Variants in TTLL11 observed in about 807,000 individuals in gnomAD.
The protein encoded by TTLL11 is tubulin tyrosine ligase like 11, also known as tubulin polyglutamylase TTLL11.
Under a neutral mutation model 51.7 loss-of-function variants are expected in TTLL11, and 42 were observed. The observed-to-expected ratio is 0.81, with a 90% confidence interval of 0.64 to 1.05. The LOEUF (loss-of-function observed/expected upper bound fraction) is 1.05, where lower values mean the gene tolerates loss of function less well. Ranked by LOEUF, TTLL11 falls within the 50% of genes least tolerant of loss-of-function variation. The pLI, the probability that TTLL11 is intolerant of heterozygous loss-of-function variation, is 0.00. For missense variants in TTLL11, 799 were observed against 940.4 expected, an observed-to-expected ratio of 0.85 and a Z score of 1.97; for synonymous variants, 381 against 383.5, an observed-to-expected ratio of 0.99 and a Z score of 0.08.
At chr9:121,968,299 G>A (rs1471242848) in intron 6 of TTLL11, among the ~76,000 whole-genome samples, 1 of 152,142 alleles carries the variant, frequency 6.6e-6, no homozygotes, top group East Asian at 1.9e-4. Context: ...TATGACAGAT[G>A]TTTTCCTCCT....
chr9:122,007,845 A>T (rs1843698432), intron 3 of TTLL11, among the ~76,000 whole-genome samples: 1 of 152,234 alleles, frequency 6.6e-6, no homozygotes, highest in African/African-American at 2.4e-5. Context: ...GTCTTAAAGT[A>T]TCTTCCCACA....
At chr9:122,025,635 T>C (rs912073270) in intron 3 of TTLL11, among the ~76,000 whole-genome samples, 3 of 152,026 alleles carry the variant, frequency 2.0e-5, no homozygotes, top group African/African-American at 4.8e-5. Flanking sequence ...AATAAATAAA[T>C]AGACTGACCA....
In TTLL11 at chr9:121,826,557, GTATATATATA is replaced by G. The variant is rs1171227988; in HGVS notation, c.1841-3688_1841-3679del. Among the ~76,000 whole-genome samples, 20 of 51,342 alleles carry G rather than the reference GTATATATATA, an allele frequency of 3.9e-4. 2 individuals are homozygous for G. The highest frequency in any genetic ancestry group is 1.3e-3 in the African/African-American group (19 of 14,198). 33.7% of individuals were successfully genotyped at this position (51,342 alleles called of 152,430 possible). ...TGTGTGTATATATATATATGTGTGT[GTATATATATA>G]TATATATATATATATGTATATGGTT... On this transcript the variant is annotated intron_variant, in intron 8 of 8. Transcript: ENST00000321582.
At chr9:121,825,239 C>T (rs566257618) in intron 8 of TTLL11, among the ~76,000 whole-genome samples, 19 of 152,058 alleles carry the variant, frequency 1.2e-4, no homozygotes, top group African/African-American at 4.3e-4. Flanking sequence ...GTGAGATGGT[C>T]GGGTGGGAGG....
intron 3 of TTLL11, among the ~76,000 whole-genome samples, chr9:122,028,263 T>C (rs115413634): frequency 0.011 from 1,697 of 152,300 alleles, 40 homozygotes; most frequent in African/African-American, 0.039. Flanking sequence ...TATTACATAT[T>C]AAGATTAACT....
At chr9:121,972,175 T>C (rs1430652256) in intron 6 of TTLL11, among the ~76,000 whole-genome samples, 7 of 151,500 alleles carry the variant, frequency 4.6e-5, no homozygotes, top group African/African-American at 7.3e-5. Flanking sequence ...AAAGTCATCC[T>C]AAGAAAACTG....
intron 6 of TTLL11, among the ~76,000 whole-genome samples, chr9:121,956,381 G>A (rs1342946328): frequency 1.3e-5 from 2 of 152,216 alleles, no homozygotes; most frequent in Admixed American, 1.3e-4. Flanking sequence ...TAGAAAGGCA[G>A]GGAAAGGAAA....
At chr9:121,908,010 A>G (rs999174454) in intron 6 of TTLL11, among the ~76,000 whole-genome samples, 1 of 152,166 alleles carries the variant, frequency 6.6e-6, no homozygotes, top group African/African-American at 2.4e-5. Context: ...CATCTGTAAA[A>G]TGGGGGTGAT....
At position 121,876,192 on chromosome 9, in the gene TTLL11, T is replaced by C. The variant is rs77200366; in HGVS notation, c.1482-5444A>G. 8.8e-3 allele frequency among the ~76,000 whole-genome samples: 1,336 copies of C among 152,378 alleles called. 18 individuals carry two copies. The highest frequency in any genetic ancestry group is 0.03 in the African/African-American group (1,229 of 41,586). On this transcript the variant is annotated intron_variant, in intron 6 of 8. Transcript: ENST00000321582. Reference sequence around the variant, plus strand: ...AACACACCCCATGCTTAGTTCACTATATAGCTTTTGTGATCATTTGATTTA... The same window carrying C: ...AACACACCCCATGCTTAGTTCACTACATAGCTTTTGTGATCATTTGATTTA...
intron 3 of TTLL11, among the ~76,000 whole-genome samples, chr9:121,994,524 A>T (rs985395599): frequency 2.0e-5 from 3 of 152,308 alleles, no homozygotes; most frequent in Admixed American, 6.5e-5. Flanking sequence ...GATGTCAAGT[A>T]ATTTGTCAAA....
At chr9:121,893,523 G>C (rs1343954246) in intron 6 of TTLL11, among the ~76,000 whole-genome samples, 1 of 152,200 alleles carries the variant, frequency 6.6e-6, no homozygotes, top group Admixed American at 6.5e-5. Flanking sequence ...TTTGCCCAGT[G>C]TCCCACAGCA....
At position 121,816,742 on chromosome 9, in the gene TTLL11, G is replaced by A. The variant is rs1162339037; in HGVS notation, c.*5845C>T. The A allele has an allele frequency of 1.3e-5, 2 of 152,338 alleles. No homozygotes were observed. Among genetic ancestry groups the A allele is most frequent in the South Asian group, 4.1e-4 (2 of 4,832 alleles). 9.4% of individuals were successfully genotyped at this position (152,338 alleles called of 1,614,324 possible). On this transcript the variant is annotated 3_prime_UTR_variant, in exon 9 of 9. Coordinates refer to ENST00000321582, the MANE Select transcript of TTLL11 (RefSeq NM_001139442.2). ...GCGCGCGTGTGTGTATAAGCATTATGCTGCGTGGTTTTTCCAGTTATATAA... is the reference window on the plus strand; with the variant it reads ...GCGCGCGTGTGTGTATAAGCATTATACTGCGTGGTTTTTCCAGTTATATAA...
At chr9:121,826,525 ATATGTG>A (rs1468568024) in intron 8 of TTLL11, among the ~76,000 whole-genome samples, 8 of 48,816 alleles carry the variant, frequency 1.6e-4, no homozygotes, top group African/African-American at 6.2e-4. Context: ...GTATATATAT[ATATGTG>A]TGTGTGTATA....
intron 3 of TTLL11, among the ~76,000 whole-genome samples, chr9:122,012,327 T>C (rs1208435621): frequency 6.6e-6 from 1 of 152,154 alleles, no homozygotes; most frequent in Non-Finnish European, 1.5e-5. Context: ...AAAGATGACC[T>C]TTAACTTCCT....
At chr9:121,957,087 G>A (rs1331995768) in intron 6 of TTLL11, among the ~76,000 whole-genome samples, 2 of 152,192 alleles carry the variant, frequency 1.3e-5, no homozygotes, top group Non-Finnish European at 2.9e-5. Context: ...TAATAGGGCT[G>A]TGGTTCTATC....
chr9:121,895,165 G>C (rs1047924093), intron 6 of TTLL11, among the ~76,000 whole-genome samples: 1 of 152,324 alleles, frequency 6.6e-6, no homozygotes, highest in African/African-American at 2.4e-5. Context: ...ACTCCCTACA[G>C]AGTTTTCAGA....
intron 7 of TTLL11, among the ~76,000 whole-genome samples, chr9:121,860,917 C>T (rs142481749): frequency 5.8e-4 from 88 of 152,294 alleles, no homozygotes; most frequent in African/African-American, 2.0e-3. Context: ...CTGGAATGTC[C>T]TCCCTTACCA....
chr9:121,985,237 C>T (rs1842914273), intron 4 of TTLL11, among the ~76,000 whole-genome samples: 1 of 152,170 alleles, frequency 6.6e-6, no homozygotes, highest in Non-Finnish European at 1.5e-5. Flanking sequence ...GTTCTATCTG[C>T]ACGGAACATT....
At chr9:121,841,693 G>A (rs1837354036) in intron 8 of TTLL11, among the ~76,000 whole-genome samples, 1 of 152,060 alleles carries the variant, frequency 6.6e-6, no homozygotes, top group East Asian at 1.9e-4. Context: ...AGCAGCCCAG[G>A]AAGCTGAAGG....
Sources: allele counts gnomAD v4.1 joint callset (sites outside exome capture counted in the v4.1 genomes callset), GRCh38; gene constraint gnomAD v4.1.1; transcripts MANE v1.5; gene names NCBI Gene and HGNC (gene_info 2026-07-23, HGNC 2026-07-21).